The following UBAP2L variants were observed in gnomAD, a reference collection of about 807,000 sequenced individuals.
UBAP2L encodes the protein ubiquitin-associated protein 2-like.
Under a neutral mutation model 130.6 loss-of-function variants are expected in UBAP2L, and 12 were observed. The observed-to-expected ratio is 0.09, with a 90% CI of 0.06 to 0.15. The LOEUF (loss-of-function observed/expected upper bound fraction) is 0.15, where lower values mean the gene tolerates loss of function less well. Ranked by LOEUF, UBAP2L falls within the 10% of genes least tolerant of loss-of-function variation. The pLI, the probability that UBAP2L is intolerant of heterozygous loss-of-function variation, is 1.00. For synonymous variants in UBAP2L, 503 were observed against 524.7 expected (o/e 0.96, Z 0.57); for missense variants, 965 against 1,332.5 (o/e 0.72, Z 4.29).
intron 24 of UBAP2L, among the ~76,000 whole-genome samples, chr1:154,263,972 G>T (rs188361460): frequency 8.5e-5 from 13 of 152,294 alleles, no homozygotes; most frequent in African/African-American, 2.9e-4. Flanking sequence ...CTCAGGCTCT[G>T]TGGCGACTGT....
chr1:154,256,950 A>G, intron 18 of UBAP2L, 113 bp from the exon 19 acceptor site: 1 of 1,277,520 alleles, frequency 7.8e-7, no homozygotes, highest in Non-Finnish European at 1.1e-6. Flanking sequence ...TGGCCTCTTT[A>G]ATTAGGAAGT....
chr1:154,226,184 T>C (rs1188057150), intron 2 of UBAP2L, among the ~76,000 whole-genome samples: 1 of 152,212 alleles, frequency 6.6e-6, no homozygotes, highest in Non-Finnish European at 1.5e-5. Flanking sequence ...TTCCCCAACT[T>C]GTCTTTTATT....
rs1490200825 is a variant in UBAP2L at position 154,266,316 on chromosome 1, A to G, written c.2903-185A>G. Reference sequence around the variant, plus strand: ...CTCAACACGTACCTGGGAAGGGCCAAAGAACCCTTAGGGAGCTTTTGTTTC... The same window carrying G: ...CTCAACACGTACCTGGGAAGGGCCAGAGAACCCTTAGGGAGCTTTTGTTTC... On this transcript the variant is annotated intron_variant, in intron 24 of 26. Transcript: ENST00000428931. 7 of 673,974 alleles carry G rather than the reference A, an allele frequency of 1.0e-5. No homozygotes were observed. In the South Asian group the frequency reaches 1.2e-4, roughly 12 times the overall value. The allele number at this position is 673,974 out of a possible 1,614,324, so 41.7% of individuals were successfully genotyped here. A position where few individuals can be genotyped will look rare whatever the true frequency, so the allele number is the denominator to read the frequency against.
intron 4 of UBAP2L, among the ~76,000 whole-genome samples, chr1:154,232,591 T>A (rs1404707295): frequency 6.6e-6 from 1 of 152,156 alleles, no homozygotes; most frequent in African/African-American, 2.4e-5. Context: ...GATACCAATT[T>A]AGGAAATATA....
rs546826266 is a variant in UBAP2L at position 154,249,286 on chromosome 1, C to G, written c.1062C>G (p.Gly354=). The part of the protein sequence containing the change: ...KGFGDVGEAK[G]GSTTGSQFLE... ...TTGGTGATGTCGGTGAAGCTAAAGG[C>G]GGCAGTACTACAGGCTCCCAGTTCT... Residue 354 remains glycine (G), a synonymous_variant, in exon 12 of 27, where the codon GGC becomes GGG. Coordinates refer to ENST00000428931, the MANE Select transcript of UBAP2L (RefSeq NM_014847.4). 3.7e-6 allele frequency: 6 copies of G among 1,614,100 alleles called. No individual in the cohort carries two copies. Among genetic ancestry groups the G allele is most frequent in the Non-Finnish European group, 5.1e-6 (6 of 1,180,028 alleles).
At chr1:154,223,875 C>G (rs1013290693) in intron 1 of UBAP2L, among the ~76,000 whole-genome samples, 6 of 152,122 alleles carry the variant, frequency 3.9e-5, no homozygotes, top group Admixed American at 3.9e-4. Flanking sequence ...AGTAATATCT[C>G]TGGGCAGTCT....
chr1:154,244,107 C>T (rs1464471068), intron 10 of UBAP2L, among the ~76,000 whole-genome samples: 1 of 152,154 alleles, frequency 6.6e-6, no homozygotes, highest in Admixed American at 6.6e-5. Flanking sequence ...GTAGGAGATA[C>T]ACTCTTCAGG....
At chr1:154,241,220 C>T (rs150905025) in intron 8 of UBAP2L, among the ~76,000 whole-genome samples, 4,380 of 152,160 alleles carry the variant, frequency 0.029, 206 homozygotes, top group African/African-American at 0.098. Flanking sequence ...TCCCGCGTAG[C>T]TGGGATTACA....
intron 21 of UBAP2L, chr1:154,259,682 G>A: frequency 1.8e-6 from 1 of 566,950 alleles, no homozygotes; most frequent in Non-Finnish European, 3.2e-6. Context: ...GACACCTAGA[G>A]GGTTGAAAAT....
chr1:154,270,400 C>T lies in UBAP2L; in HGVS notation c.*105C>T, dbSNP rs1224566419. The T allele has an allele frequency of 3.2e-6, 5 of 1,544,138 alleles. No homozygotes were observed. In the Admixed American group the frequency reaches 7.8e-5, roughly 24 times the overall value. On this transcript the variant is annotated 3_prime_UTR_variant, in exon 27 of 27. Transcript: ENST00000428931. ...AAGGAATGTGGGGGGTTTCCGCTGCCCCCCACCCCCAGCGGCCCACCCCAT... is the reference window on the plus strand; with the variant it reads ...AAGGAATGTGGGGGGTTTCCGCTGCTCCCCACCCCCAGCGGCCCACCCCAT...
At position 154,235,799 on chromosome 1, in the gene UBAP2L, A is replaced by G. The variant is rs903506983; in HGVS notation, c.544+508A>G. Among the ~76,000 whole-genome samples the G allele has an allele frequency of 4.6e-5, 7 of 152,230 alleles. No homozygotes were observed. In the South Asian group the frequency reaches 1.0e-3, roughly 23 times the overall value. The stretch of plus-strand genomic sequence containing the variant: ...ATGCTTTTGTAGAGATGGAGTCTCA[A>G]TATGTTGCCCAGGGTGGTCTCAAAC... On this transcript the variant is annotated intron_variant, in intron 6 of 26. Coordinates refer to ENST00000428931, the MANE Select transcript of UBAP2L (RefSeq NM_014847.4).
At position 154,261,598 on chromosome 1, in the gene UBAP2L, C is replaced by G; in HGVS notation, c.2803C>G (p.Pro935Ala). 6.2e-7 allele frequency: 1 copy of G among 1,614,090 alleles called. No homozygotes were observed. Among genetic ancestry groups the G allele is most frequent in the Non-Finnish European group, 8.5e-7 (1 of 1,180,024 alleles). ...TGGCCTTTTTGCTCTTTAGGTGGCT[C>G]CTACCTCTTCCAAGCAGCATGGTGT... Reference protein sequence around the residue: ...QYGPAVFPVAPTSSKQHGVNV... With the variant: ...QYGPAVFPVAATSSKQHGVNV... Residue 935 changes from proline to alanine, a missense_variant, in exon 24 of 27, where the codon CCT (proline) becomes GCT (alanine). Coordinates refer to ENST00000428931, the MANE Select transcript of UBAP2L (RefSeq NM_014847.4).
At chr1:154,237,302 T>C (rs1000212624) in intron 8 of UBAP2L, among the ~76,000 whole-genome samples, 166 bp downstream of exon 8, 4 of 152,248 alleles carry the variant, frequency 2.6e-5, no homozygotes, top group Non-Finnish European at 5.9e-5. Flanking sequence ...GTAACGTGCA[T>C]ATGGGCACAT....
chr1:154,254,768 G>A (rs1679048293), intron 15 of UBAP2L, 68 bp from the exon 16 acceptor site: 9 of 1,521,812 alleles, frequency 5.9e-6, no homozygotes, highest in Non-Finnish European at 8.0e-6. Flanking sequence ...AGCTGCATCA[G>A]TGCTAACTTT....
At chr1:154,232,553 T>G (rs906657753) in intron 4 of UBAP2L, among the ~76,000 whole-genome samples, 10 of 152,236 alleles carry the variant, frequency 6.6e-5, no homozygotes, top group African/African-American at 2.4e-4. Context: ...TAGATATGTA[T>G]TTTTCACTGG....
intron 8 of UBAP2L, among the ~76,000 whole-genome samples, chr1:154,238,427 T>C (rs928398275): frequency 6.6e-6 from 1 of 152,230 alleles, no homozygotes; most frequent in Non-Finnish European, 1.5e-5. Context: ...CTGTAGCTTA[T>C]TCCTGGGTAT....
At chr1:154,270,864 A>G (rs1684631492), downstream of UBAP2L, 1 of 1,521,138 alleles carries the variant, frequency 6.6e-7, no homozygotes, top group Admixed American at 2.1e-5. Context: ...GCCTCTGCCT[A>G]TTCTTGCTCC....
intron 12 of UBAP2L, 136 bp from the exon 13 acceptor site, chr1:154,250,905 T>A (rs1677396982): frequency 1.2e-6 from 1 of 806,628 alleles, no homozygotes; most frequent in Non-Finnish European, 1.9e-6. Flanking sequence ...GAAATGAGAT[T>A]AAGCCCCAAA....
chr1:154,245,781 G>A (rs1250938017), intron 10 of UBAP2L, among the ~76,000 whole-genome samples: 5 of 151,972 alleles, frequency 3.3e-5, no homozygotes, highest in African/African-American at 1.2e-4. Context: ...TTAGCCGGGC[G>A]TGGTGGCAGG....
Sources: allele counts gnomAD v4.1 joint callset (sites outside exome capture counted in the v4.1 genomes callset), GRCh38; gene constraint gnomAD v4.1.1; transcripts MANE v1.5; gene names NCBI Gene and HGNC (gene_info 2026-07-23, HGNC 2026-07-21).